Variants in RYR2 observed in about 807,000 individuals in gnomAD.
RYR2 encodes ryanodine receptor 2, also known as cardiac muscle ryanodine receptor-calcium release channel.
RYR2 carries 227 observed loss-of-function variants against 601.1 expected under a neutral mutation model. The observed-to-expected ratio is 0.38, with a 90% CI of 0.34 to 0.42. The LOEUF (loss-of-function observed/expected upper bound fraction) is 0.42. Among genes scored for constraint, RYR2 ranks in the 10% least tolerant of loss-of-function variants. The pLI, the probability that RYR2 is intolerant of heterozygous loss-of-function variation, is 1.00. For synonymous variants in RYR2, 2,223 were observed against 2,175.1 expected, an observed-to-expected ratio of 1.02 and a Z score of -0.61; for missense variants, 4,646 against 6,156.5, an observed-to-expected ratio of 0.75 and a Z score of 8.21.
intron 10 of RYR2, among the ~76,000 whole-genome samples, chr1:237,416,489 C>A (rs1482600513): frequency 6.6e-6 from 1 of 151,940 alleles, no homozygotes; most frequent in African/African-American, 2.4e-5. Flanking sequence ...CAAAGAAATT[C>A]CTTTTTTGTG....
At chr1:237,253,447 G>A (rs928206454) in intron 1 of RYR2, among the ~76,000 whole-genome samples, 2 of 152,228 alleles carry the variant, frequency 1.3e-5, no homozygotes, top group South Asian at 2.1e-4. Context: ...CAACTTTTAC[G>A]TTTTCCATCC....
intron 1 of RYR2, among the ~76,000 whole-genome samples, chr1:237,132,357 G>A (rs1349966753): frequency 6.6e-6 from 1 of 152,314 alleles, no homozygotes. Flanking sequence ...CTCCATATTG[G>A]TAGTAATGTC....
intron 1 of RYR2, among the ~76,000 whole-genome samples, chr1:237,178,082 G>A (rs917338277): frequency 9.9e-5 from 15 of 152,142 alleles, no homozygotes; most frequent in Non-Finnish European, 4.4e-5. Context: ...TGTAATGGAT[G>A]TAAAATAAAA....
At chr1:237,174,465 C>T (rs1677785891) in intron 1 of RYR2, among the ~76,000 whole-genome samples, 1 of 152,110 alleles carries the variant, frequency 6.6e-6, no homozygotes, top group Non-Finnish European at 1.5e-5. Context: ...TTCAAATGCA[C>T]CTGCTCTCTA....
chr1:237,519,201 T>C (rs1666851915), intron 24 of RYR2, among the ~76,000 whole-genome samples: 1 of 152,222 alleles, frequency 6.6e-6, no homozygotes, highest in Non-Finnish European at 1.5e-5. Flanking sequence ...ATGAATTCTT[T>C]GCAAATATTT....
rs547005691 is a variant in RYR2 at position 237,732,072 on chromosome 1, A to C, written c.10962A>C (p.Glu3654Asp). The change falls in exon 78 of 105, where the codon GAA becomes GAC. Residue 3654 changes from glutamate to aspartate, a missense_variant. By Grantham distance (45) the Glu-to-Asp change is conservative. Transcript: ENST00000366574. The stretch of plus-strand genomic sequence containing the variant: ...AACCTGGGGCTGAACCTCCAGAAGA[A>C]GATGAAGGCACTAAGAGAGTTGATC... Reference protein sequence around the residue: ...LAKPGAEPPEEDEGTKRVDPL... With the variant: ...LAKPGAEPPEDDEGTKRVDPL... 45 of 1,608,652 alleles carry C rather than the reference A, an allele frequency of 2.8e-5. No homozygotes were observed. The African/African-American group carries it at 3.1e-4, about 11-fold the overall frequency.
intron 29 of RYR2, among the ~76,000 whole-genome samples, chr1:237,572,686 G>A (rs879310898): frequency 1.2e-4 from 19 of 152,136 alleles, no homozygotes; most frequent in Non-Finnish European, 2.2e-4. Context: ...GGGAGGACCT[G>A]CGTTTTGGTC....
chr1:237,613,605 T>C (rs117510133), intron 36 of RYR2, among the ~76,000 whole-genome samples: 2 of 152,264 alleles, frequency 1.3e-5, no homozygotes, highest in East Asian at 3.9e-4. Flanking sequence ...AAATTCTATG[T>C]AGAAGAAAAT....
At chr1:237,382,669 T>C (rs977410643) in intron 8 of RYR2, among the ~76,000 whole-genome samples, 5 of 152,016 alleles carry the variant, frequency 3.3e-5, no homozygotes, top group Non-Finnish European at 7.4e-5. Flanking sequence ...GAATGATGGT[T>C]TTAAATTTCT....
intron 100 of RYR2, among the ~76,000 whole-genome samples, chr1:237,815,306 A>G (rs1218284645): frequency 3.9e-5 from 6 of 152,176 alleles, no homozygotes; most frequent in Non-Finnish European, 8.8e-5. Context: ...AAGGATTTTC[A>G]GTTGCAGCAG....
chr1:237,527,076 T>C (rs1199219954), intron 24 of RYR2, among the ~76,000 whole-genome samples: 1 of 152,214 alleles, frequency 6.6e-6, no homozygotes, highest in Non-Finnish European at 1.5e-5. Flanking sequence ...CTCCAGTGTT[T>C]ATTTTTGTTA....
At chr1:237,246,178 T>A (rs1380425428) in intron 1 of RYR2, among the ~76,000 whole-genome samples, 1 of 150,922 alleles carries the variant, frequency 6.6e-6, no homozygotes, top group African/African-American at 2.4e-5. Flanking sequence ...TCACTGTAAC[T>A]TCCACCTCCT....
chr1:237,774,836 A>G (rs1694528233), intron 87 of RYR2, among the ~76,000 whole-genome samples: 1 of 152,202 alleles, frequency 6.6e-6, no homozygotes, highest in Admixed American at 6.5e-5. Flanking sequence ...AATGGGAATC[A>G]GGATGATTTC....
chr1:237,430,020 A>T (rs75184339), intron 12 of RYR2, among the ~76,000 whole-genome samples: 3,994 of 151,520 alleles, frequency 0.026, 167 homozygotes, highest in African/African-American at 0.085. Context: ...TTTTATTGGA[A>T]GTATTTTTCA....
At chr1:237,173,051 A>G (rs1677595717) in intron 1 of RYR2, among the ~76,000 whole-genome samples, 1 of 152,226 alleles carries the variant, frequency 6.6e-6, no homozygotes, top group Non-Finnish European at 1.5e-5. Context: ...GGTTGTTATT[A>G]TTATTACTAA....
chr1:237,223,885 A>G (rs1000430303), intron 1 of RYR2, among the ~76,000 whole-genome samples: 1 of 152,208 alleles, frequency 6.6e-6, no homozygotes, highest in Admixed American at 6.5e-5. Context: ...CTGGTCTGTA[A>G]GGCAAAACTT....
chr1:237,496,884 A>G (rs1039726954), intron 20 of RYR2, 132 bp downstream of exon 20: 3 of 1,082,670 alleles, frequency 2.8e-6, no homozygotes, highest in African/African-American at 3.1e-5. Flanking sequence ...CATTGAGATG[A>G]TGAGTAAGAG....
In RYR2 at chr1:237,099,104, C is replaced by T. The variant is rs533903638; in HGVS notation, c.48+56535C>T. On this transcript the variant is annotated intron_variant, in intron 1 of 104. Coordinates refer to ENST00000366574, the MANE Select transcript of RYR2 (RefSeq NM_001035.3). Reference sequence around the variant, plus strand: ...TTCAGCAGTGAGAAGGTAGTGTGAACGGAAAAAAAAAAACCCAGGAAATTC... The same window carrying T: ...TTCAGCAGTGAGAAGGTAGTGTGAATGGAAAAAAAAAAACCCAGGAAATTC... Among the ~76,000 whole-genome samples the T allele has an allele frequency of 3.5e-3, 127 of 36,358 alleles. 1 individual carries two copies. In the South Asian group the frequency reaches 0.094, roughly 27 times the overall value. 23.9% of individuals were successfully genotyped at this position (36,358 alleles called of 152,430 possible). A position where few individuals can be genotyped will look rare whatever the true frequency, so the allele number is the denominator to read the frequency against.
intron 79 of RYR2, among the ~76,000 whole-genome samples, chr1:237,735,334 A>G (rs1160645656): frequency 1.3e-5 from 2 of 152,148 alleles, no homozygotes; most frequent in Admixed American, 1.3e-4. Context: ...ATATAAGGTA[A>G]CAAATATCTA....
Sources: gnomAD v4.1 joint callset for allele counts (sites outside exome capture counted in the v4.1 genomes callset) on GRCh38, gnomAD v4.1.1 for gene constraint, MANE v1.5 for transcripts, NCBI Gene and HGNC (gene_info 2026-07-23, HGNC 2026-07-21) for gene names.